Variants in LAMA4 observed in about 807,000 individuals in gnomAD.
The protein encoded by LAMA4 is laminin subunit alpha 4.
Under a neutral mutation model 207.1 loss-of-function variants are expected in LAMA4, and 127 were observed. The ratio of observed to expected loss-of-function variants is 0.61; its 90% CI spans 0.53 to 0.71. LAMA4 has a LOEUF of 0.71. Ranked by LOEUF, LAMA4 falls within the 30% of genes least tolerant of loss-of-function variation. The pLI is 0.00. For synonymous variants in LAMA4, 761 were observed against 816.0 expected, an observed-to-expected ratio of 0.93 and a Z score of 1.15; for missense variants, 2,093 against 2,246.5, an observed-to-expected ratio of 0.93 and a Z score of 1.38.
chr6:112,115,775 G>A (rs1777981592), intron 36 of LAMA4, 88 bp downstream of exon 36: 1 of 1,333,570 alleles, frequency 7.5e-7, no homozygotes, highest in African/African-American at 1.4e-5. Flanking sequence ...AGGAAAGATT[G>A]ATGAAATAAT....
chr6:112,114,575 C>T, intron 37 of LAMA4, 88 bp downstream of exon 37: 1 of 868,246 alleles, frequency 1.2e-6, no homozygotes, highest in East Asian at 2.4e-5. Flanking sequence ...TCATGCATTA[C>T]CTATCATATA....
chr6:112,250,178 A>G (rs1245151890), intron 2 of LAMA4, among the ~76,000 whole-genome samples: 1 of 152,212 alleles, frequency 6.6e-6, no homozygotes, highest in Non-Finnish European at 1.5e-5. Flanking sequence ...TAGAGTGATA[A>G]CCCAGGCTAG....
chr6:112,142,372 CA>C (rs1779752339), intron 19 of LAMA4, 80 bp from the exon 20 acceptor site: 4 of 1,296,460 alleles, frequency 3.1e-6, no homozygotes, highest in South Asian at 1.2e-5. Flanking sequence ...TCATTCGTGA[CA>C]GGGGCCTATA....
At chr6:112,188,877 A>C (rs1554347552) in intron 7 of LAMA4, 1 of 509,674 alleles carries the variant, frequency 2.0e-6, no homozygotes, top group Non-Finnish European at 3.6e-6. Flanking sequence ...TTCTGAATGT[A>C]AAGACTGGAT....
At chr6:112,138,968 C>T in intron 24 of LAMA4, 152 bp downstream of exon 24, 1 of 755,924 alleles carries the variant, frequency 1.3e-6, no homozygotes, top group South Asian at 1.7e-5. Flanking sequence ...GCTGTCATTA[C>T]TTTCCTGAAG....
intron 19 of LAMA4, among the ~76,000 whole-genome samples, chr6:112,143,796 A>G (rs974886948): frequency 7.9e-5 from 12 of 152,198 alleles, no homozygotes; most frequent in Non-Finnish European, 1.0e-4. Context: ...TAGAAATAAT[A>G]TTACAAGAAA....
intron 2 of LAMA4, among the ~76,000 whole-genome samples, chr6:112,235,821 G>T (rs1360051065): frequency 6.6e-6 from 1 of 152,126 alleles, no homozygotes; most frequent in Non-Finnish European, 1.5e-5. Context: ...CATGGTTTAA[G>T]GGGTTGATAG....
At chr6:112,149,150 TAATA>T (rs147481114) in intron 17 of LAMA4, among the ~76,000 whole-genome samples, 44,640 of 149,286 alleles carry the variant, frequency 0.3, 7,165 homozygotes, top group African/African-American at 0.42. Context: ...AATATATAAA[TAATA>T]AATAATTTAT....
At chr6:112,198,142 C>T (rs1783527559) in intron 5 of LAMA4, among the ~76,000 whole-genome samples, 1 of 152,172 alleles carries the variant, frequency 6.6e-6, no homozygotes, top group African/African-American at 2.4e-5. Flanking sequence ...GCATGAGAAT[C>T]CGACGGGAAG....
chr6:112,180,321 T>C (rs531954720), intron 9 of LAMA4, among the ~76,000 whole-genome samples: 1 of 152,210 alleles, frequency 6.6e-6, no homozygotes, highest in East Asian at 1.9e-4. Context: ...GATAGAGATA[T>C]ATAGCTATTG....
intron 2 of LAMA4, among the ~76,000 whole-genome samples, chr6:112,242,472 A>C (rs1786587873): frequency 1.3e-5 from 2 of 152,204 alleles, no homozygotes; most frequent in Admixed American, 6.5e-5. Flanking sequence ...TCAAAATTCA[A>C]GCCCACCTGT....
At chr6:112,245,239 T>C (rs1011358054) in intron 2 of LAMA4, among the ~76,000 whole-genome samples, 2 of 152,204 alleles carry the variant, frequency 1.3e-5, no homozygotes, top group African/African-American at 4.8e-5. Context: ...ACCTCTGCTG[T>C]GGAAGAAGAG....
At chr6:112,210,948 G>C (rs1475782370) in intron 3 of LAMA4, among the ~76,000 whole-genome samples, 1 of 152,004 alleles carries the variant, frequency 6.6e-6, no homozygotes, top group Non-Finnish European at 1.5e-5. Flanking sequence ...GTAAATATTG[G>C]TATATATAGT....
chr6:112,178,364 C>T, intron 9 of LAMA4, 132 bp from the exon 10 acceptor site: 1 of 696,546 alleles, frequency 1.4e-6, no homozygotes, highest in Non-Finnish European at 2.6e-6. Context: ...TTCTATAACA[C>T]ATGAAATCAT....
chr6:112,151,429 TTTAA>T (rs1183183904), intron 16 of LAMA4, among the ~76,000 whole-genome samples: 1 of 152,180 alleles, frequency 6.6e-6, no homozygotes, highest in African/African-American at 2.4e-5. Flanking sequence ...GTTCAGGTAC[TTTAA>T]TTAATACTGA....
intron 25 of LAMA4, 66 bp from the exon 26 acceptor site, chr6:112,134,675 A>C: frequency 3.9e-6 from 5 of 1,266,990 alleles, no homozygotes; most frequent in Non-Finnish European, 4.5e-6. Context: ...GATGACTTCT[A>C]TATATTTTAA....
chr6:112,120,988 C>G (rs1452772002), intron 32 of LAMA4, among the ~76,000 whole-genome samples: 1 of 151,958 alleles, frequency 6.6e-6, no homozygotes, highest in Admixed American at 6.6e-5. Context: ...GTGGGAAGAT[C>G]ACTTGAGCCT....
chr6:112,218,900 A>C (rs1554359624), intron 2 of LAMA4: 3 of 152,200 alleles, frequency 2.0e-5, no homozygotes. Flanking sequence ...TGAAAGAATT[A>C]TATTTTTCAG....
At chr6:112,192,576 C>T (rs1212053301) in intron 5 of LAMA4, among the ~76,000 whole-genome samples, 3 of 152,212 alleles carry the variant, frequency 2.0e-5, no homozygotes, top group Non-Finnish European at 4.4e-5. Flanking sequence ...CCTACAGAGG[C>T]CAGGTGCCTA....
Sources: gnomAD v4.1 joint callset for allele counts (sites outside exome capture counted in the v4.1 genomes callset) on GRCh38, gnomAD v4.1.1 for gene constraint, MANE v1.5 for transcripts, NCBI Gene and HGNC (gene_info 2026-07-23, HGNC 2026-07-21) for gene names.